Variants in C20orf203 observed in about 807,000 individuals in gnomAD.
C20orf203 encodes uncharacterized protein C20orf203.
A neutral mutation model predicts 15.9 loss-of-function variants in C20orf203; 16 were observed. That is an observed-to-expected ratio of 1.01 (90% CI 0.68 to 1.53). C20orf203 has a LOEUF of 1.53. Among genes scored for constraint, C20orf203 ranks in the 40% most tolerant of loss-of-function variants. C20orf203 has a pLI of 0.00. For missense variants in C20orf203, 263 were observed against 247.5 expected (o/e 1.06, Z -0.42); for synonymous variants, 98 against 97.2 (o/e 1.01, Z -0.05).
chr20:32,650,283 C>T lies in C20orf203; in HGVS notation c.*149G>A, dbSNP rs972768119. On this transcript the variant is annotated 3_prime_UTR_variant, in exon 4 of 6. Coordinates refer to ENST00000608990, the MANE Select transcript of C20orf203 (RefSeq NM_182584.4). ...TACAAGCGCCGGTGCCCAGAATCTCCTTGAGGTTTCAGCTGGGCGTGCCGG... is the reference window on the plus strand; with the variant it reads ...TACAAGCGCCGGTGCCCAGAATCTCTTTGAGGTTTCAGCTGGGCGTGCCGG... The T allele has an allele frequency of 3.2e-6, 2 of 633,628 alleles. No homozygotes were observed. Among genetic ancestry groups the T allele is most frequent in the African/African-American group, 3.7e-5 (2 of 54,252 alleles). 39.3% of individuals were successfully genotyped at this position (633,628 alleles called of 1,614,324 possible).
rs1982074689 is a variant in C20orf203, at chr20:32,634,104, A to G, written c.*1466T>C. ...AGCCTGAGCTTTGTCCTTGGGGGAC[A>G]CAGAAAACAACAAAGAAATGGCACT... On this transcript the variant is annotated 3_prime_UTR_variant, in exon 6 of 6. Transcript: ENST00000608990. 5.0e-6 allele frequency: 2 copies of G among 398,652 alleles called. No homozygotes were observed. Among genetic ancestry groups the G allele is most frequent in the Middle Eastern group, 6.3e-4 (1 of 1,588 alleles). 24.7% of individuals were successfully genotyped at this position (398,652 alleles called of 1,614,324 possible).
intron 1 of C20orf203, among the ~76,000 whole-genome samples, chr20:32,664,816 C>T (rs895988892): frequency 1.1e-4 from 16 of 152,350 alleles, no homozygotes; most frequent in African/African-American, 3.4e-4. Flanking sequence ...CCCACACATC[C>T]CCACACTGTG....
intron 5 of C20orf203, among the ~76,000 whole-genome samples, chr20:32,639,357 A>T (rs1982218536): frequency 6.6e-6 from 1 of 152,228 alleles, no homozygotes; most frequent in South Asian, 2.1e-4. Flanking sequence ...CCCTCCTTGG[A>T]AGGCCAAGAA....
Position 32,634,156 on chromosome 20 carries a change from A to G in C20orf203, c.*1414T>C. The stretch of plus-strand genomic sequence containing the variant: ...GTTACCCAGAGACCCAGAGAGATGC[A>G]GCTCTGATGGAGATGGCGCAGGCAC... On this transcript the variant is annotated 3_prime_UTR_variant, in exon 6 of 6. Transcript: ENST00000608990. 2 of 398,630 alleles carry G rather than the reference A, an allele frequency of 5.0e-6. No individual in the cohort carries two copies. The allele number at this position is 398,630 out of a possible 1,614,324, so 24.7% of individuals were successfully genotyped here.
chr20:32,669,685 C>G (rs558115312), intron 1 of C20orf203, among the ~76,000 whole-genome samples: 1 of 152,290 alleles, frequency 6.6e-6, no homozygotes, highest in South Asian at 2.1e-4. Context: ...GACTTAAGAC[C>G]TGAAACTATA....
chr20:32,662,930 T>G lies in C20orf203; in HGVS notation c.-264+10702A>C, dbSNP rs1293523500. 6.3e-5 allele frequency among the ~76,000 whole-genome samples: 9 copies of G among 141,948 alleles called. No individual in the cohort carries two copies. The East Asian group carries it at 1.8e-3, about 28-fold the overall frequency. The allele number at this position is 141,948 out of a possible 152,430, so 93.1% of individuals were successfully genotyped here. ...AAAGGAACAGCTAGATATATATATA[T>G]AGATAGATAGATATAAATATAGTTT... On this transcript the variant is annotated intron_variant, in intron 1 of 5. Transcript: ENST00000608990.
Position 32,653,125 on chromosome 20 carries a change from T to A in C20orf203, c.-263-1144A>T, listed in dbSNP as rs143346545. 5.0e-3 allele frequency among the ~76,000 whole-genome samples: 760 copies of A among 152,194 alleles called. 3 individuals carry two copies. The highest frequency in any genetic ancestry group is 0.018 in the African/African-American group (728 of 41,526). ...CTCTGGTGGCTCCTCTGGGCAGTGG[T>A]GGATGCTGAAGCCACTGTGAATTTA... On this transcript the variant is annotated intron_variant, in intron 1 of 5. Transcript: ENST00000608990.
chr20:32,647,548 T>TA (rs1039427538), intron 4 of C20orf203, among the ~76,000 whole-genome samples: 1 of 151,752 alleles, frequency 6.6e-6, no homozygotes, highest in Admixed American at 6.6e-5. Context: ...TACAATATAT[T>TA]AAAAAAATTA....
intron 5 of C20orf203, among the ~76,000 whole-genome samples, chr20:32,634,928 G>A (rs1003956930): frequency 4.6e-5 from 7 of 152,176 alleles, no homozygotes; most frequent in African/African-American, 1.2e-4. Context: ...AGCCAGACGC[G>A]GTCTCTCACA....
chr20:32,638,271 G>T (rs994864061), intron 5 of C20orf203, among the ~76,000 whole-genome samples: 1 of 152,222 alleles, frequency 6.6e-6, no homozygotes, highest in East Asian at 1.9e-4. Flanking sequence ...TGTGCTTCAT[G>T]TATGTTTTCT....
intron 1 of C20orf203, among the ~76,000 whole-genome samples, chr20:32,669,802 A>G (rs1462571556): frequency 1.3e-5 from 2 of 152,260 alleles, no homozygotes; most frequent in Non-Finnish European, 2.9e-5. Context: ...AAAATAGACA[A>G]GAGGGACTAC....
intron 4 of C20orf203, among the ~76,000 whole-genome samples, chr20:32,647,516 C>A (rs977262660): frequency 2.0e-5 from 3 of 151,958 alleles, no homozygotes; most frequent in African/African-American, 7.3e-5. Context: ...CCAGCCTGGG[C>A]AACATAGTAA....
chr20:32,633,219 G>C lies in C20orf203; in HGVS notation c.*2351C>G, dbSNP rs1982047242. 1 of 152,070 alleles carries C rather than the reference G, an allele frequency of 6.6e-6. No homozygotes were observed. The highest frequency in any genetic ancestry group is 1.5e-5 in the Non-Finnish European group (1 of 68,014). 9.4% of individuals were successfully genotyped at this position (152,070 alleles called of 1,614,324 possible). On this transcript the variant is annotated 3_prime_UTR_variant, in exon 6 of 6. Transcript: ENST00000608990. The stretch of plus-strand genomic sequence containing the variant: ...CTGTGCCAGGAAAACCCTCAGTTTT[G>C]GACAAACCAGGATGGTTGGTCACCC...
chr20:32,639,132 C>T (rs1298761234), intron 5 of C20orf203, among the ~76,000 whole-genome samples: 3 of 152,240 alleles, frequency 2.0e-5, no homozygotes, highest in East Asian at 3.8e-4. Context: ...CCTGGCTCTC[C>T]GCCACGAGCC....
intron 4 of C20orf203, among the ~76,000 whole-genome samples, chr20:32,645,595 C>T (rs750106393): frequency 6.6e-6 from 1 of 152,234 alleles, no homozygotes; most frequent in Non-Finnish European, 1.5e-5. Flanking sequence ...TCCTGCCCAG[C>T]GCAGAAGCAG....
intron 4 of C20orf203, among the ~76,000 whole-genome samples, chr20:32,641,045 G>A (rs557416723): frequency 1.3e-5 from 2 of 152,268 alleles, no homozygotes; most frequent in East Asian, 3.9e-4. Context: ...CAGGCTGGGT[G>A]TGGTGGCTCA....
chr20:32,663,222 A>G (rs1417682301), intron 1 of C20orf203, among the ~76,000 whole-genome samples: 1 of 152,076 alleles, frequency 6.6e-6, no homozygotes, highest in Non-Finnish European at 1.5e-5. Flanking sequence ...TGCTGGGATT[A>G]TAGGTGCGAG....
intron 1 of C20orf203, among the ~76,000 whole-genome samples, chr20:32,669,852 G>C (rs1280701456): frequency 1.3e-5 from 2 of 152,328 alleles, no homozygotes; most frequent in South Asian, 2.1e-4. Flanking sequence ...GGAAACAAGA[G>C]TGAAAGGCAA....
chr20:32,650,707 A>C lies in C20orf203; in HGVS notation c.310T>G (p.Trp104Gly), dbSNP rs1325870673. The C allele has an allele frequency of 2.6e-6, 4 of 1,527,876 alleles. No homozygotes were observed. Among genetic ancestry groups the C allele is most frequent in the Admixed American group, 2.0e-5 (1 of 49,366 alleles). The allele number at this position is 1,527,876 out of a possible 1,614,324, so 94.6% of individuals were successfully genotyped here. The change falls in exon 4 of 6, where the codon TGG becomes GGG. Residue 104 changes from tryptophan (W) to glycine (G), a missense_variant. Coordinates refer to ENST00000608990, the MANE Select transcript of C20orf203 (RefSeq NM_182584.4). The stretch of plus-strand genomic sequence containing the variant: ...AGCCTGAGGCCTCCAACTTCCCCCC[A>C]CCCCTCCCCACCAACCCAAATCCTT... The part of the protein sequence containing the change: ...QERIWVGGEG[W>G]GEVGGLRLSK...
Sources: allele counts gnomAD v4.1 joint callset (sites outside exome capture counted in the v4.1 genomes callset), GRCh38; gene constraint gnomAD v4.1.1; transcripts MANE v1.5; gene names NCBI Gene and HGNC (gene_info 2026-07-23, HGNC 2026-07-21).